The following NANOG variants were observed in gnomAD, a reference collection of about 807,000 sequenced individuals.
NANOG encodes the protein Nanog homeobox.
Under a neutral mutation model 17.7 loss-of-function variants are expected in NANOG, and 2 were observed. That is an observed-to-expected ratio of 0.11 (90% CI 0.05 to 0.36). NANOG has a LOEUF of 0.36. Among genes scored for constraint, NANOG ranks in the 10% least tolerant of loss-of-function variants. NANOG has a pLI of 1.00. For synonymous variants in NANOG, 81 were observed against 124.7 expected, an observed-to-expected ratio of 0.65 and a Z score of 2.33; for missense variants, 174 against 362.1, an observed-to-expected ratio of 0.48 and a Z score of 4.22.
At chr12:7,794,622 C>T in intron 3 of NANOG, 57 bp from the exon 4 acceptor site, 2 of 1,610,510 alleles carry the variant, frequency 1.2e-6, no homozygotes, top group Non-Finnish European at 1.7e-6. Context: ...CAACTCCAGT[C>T]ACAGACAGTT....
In NANOG at chr12:7,795,113, A is replaced by G. The variant is rs199508627; in HGVS notation, c.*18A>G. On this transcript the variant is annotated 3_prime_UTR_variant, in exon 4 of 4. Transcript: ENST00000229307. Reference sequence around the variant, plus strand: ...ACGTGTGAAGATGAGTGAAACTGATATTACTCAATTTCAGTCTGGACACTG... The same window carrying G: ...ACGTGTGAAGATGAGTGAAACTGATGTTACTCAATTTCAGTCTGGACACTG... 4.7e-4 allele frequency: 598 copies of G among 1,281,132 alleles called. No homozygotes were observed. The highest frequency in any genetic ancestry group is 1.0e-4 in the Non-Finnish European group (89 of 892,180). The allele number at this position is 1,281,132 out of a possible 1,614,324, so 79.4% of individuals were successfully genotyped here.
Position 7,794,678 on chromosome 12 carries a change from G to A in NANOG, c.502-1G>A. 1.2e-6 allele frequency: 2 copies of A among 1,610,640 alleles called. No individual in the cohort carries two copies. The highest frequency in any genetic ancestry group is 1.1e-5 in the South Asian group (1 of 90,742). On this transcript the variant is annotated splice_acceptor_variant, in intron 3 of 3. Transcript: ENST00000229307. LOFTEE classifies it high-confidence loss of function. Reference sequence around the variant, plus strand: ...TCTGTTAATCCCTCCTTCTCTTTCAGAAGGCCTCAGCACCTACCTACCCCA... The same window carrying A: ...TCTGTTAATCCCTCCTTCTCTTTCAAAAGGCCTCAGCACCTACCTACCCCA...
At chr12:7,793,544 A>AT (rs1862874050) in intron 2 of NANOG, among the ~76,000 whole-genome samples, 1 of 152,222 alleles carries the variant, frequency 6.6e-6, no homozygotes, top group African/African-American at 2.4e-5. Flanking sequence ...TCTCATTAAA[A>AT]TAAAAACTTT....
rs144872761 is a variant in NANOG, at chr12:7,789,680, T to G, written c.66T>G (p.Ser22=). 1,720 of 1,614,192 alleles carry G rather than the reference T, an allele frequency of 1.1e-3. 7 individuals carry two copies. In the African/African-American group the frequency reaches 0.02, roughly 19 times the overall value. ...TTGAAGCATCCGACTGTAAAGAATCTTCACCTATGCCTGTGATTTGTGGGC... is the reference window on the plus strand; with the variant it reads ...TTGAAGCATCCGACTGTAAAGAATCGTCACCTATGCCTGTGATTTGTGGGC... ...PCFEASDCKE[S]SPMPVICGPE... Residue 22 remains serine (S), a synonymous_variant, in exon 1 of 4, where the codon TCT becomes TCG. Coordinates refer to ENST00000229307, the MANE Select transcript of NANOG (RefSeq NM_024865.4).
Position 7,796,896 on chromosome 12 carries a change from C to CT in NANOG, c.*1802dup, listed in dbSNP as rs1862939918. On this transcript the variant is annotated 3_prime_UTR_variant, in exon 4 of 4. Coordinates refer to ENST00000229307, the MANE Select transcript of NANOG (RefSeq NM_024865.4). ...TCTCCTGCCTCAGCCTCCCAAGTAG[C>CT]TGGGACTACAGGGGTGAGCCACCAT... The CT allele has an allele frequency of 6.6e-6, 1 of 152,214 alleles. No individual in the cohort carries two copies. Among genetic ancestry groups the CT allele is most frequent in the South Asian group, 2.1e-4 (1 of 4,826 alleles). 9.4% of individuals were successfully genotyped at this position (152,214 alleles called of 1,614,324 possible).
At chr12:7,790,063 G>A (rs1257034296) in intron 1 of NANOG, among the ~76,000 whole-genome samples, 4 of 152,176 alleles carry the variant, frequency 2.6e-5, no homozygotes, top group African/African-American at 9.6e-5. Flanking sequence ...AAACAAAAAT[G>A]TATCGTTATA....
At chr12:7,790,893 T>G in intron 1 of NANOG, among the ~76,000 whole-genome samples, 1 of 152,010 alleles carries the variant, frequency 6.6e-6, no homozygotes, top group South Asian at 2.1e-4. Flanking sequence ...GAGGCGTGTG[T>G]CACTATGCCC....
intron 1 of NANOG, among the ~76,000 whole-genome samples, chr12:7,791,156 G>A (rs184128048): frequency 2.0e-5 from 3 of 150,514 alleles, no homozygotes; most frequent in Non-Finnish European, 3.0e-5. Context: ...TTGCCCACGC[G>A]GGAGTGCAGT....
At chr12:7,794,091 TG>T (rs1488159396) in intron 2 of NANOG, among the ~76,000 whole-genome samples, 2 of 152,278 alleles carry the variant, frequency 1.3e-5, no homozygotes, top group East Asian at 3.9e-4. Flanking sequence ...TCTTTTTTTC[TG>T]AGACAGTCTG....
At chr12:7,789,876 A>G (rs12826131) in intron 1 of NANOG, 111 bp downstream of exon 1, 650,641 of 1,163,150 alleles carry the variant, frequency 0.56, 187,621 homozygotes, top group Middle Eastern at 0.63. Flanking sequence ...ATTACTATAA[A>G]GAAGTGTTAT....
At position 7,797,352 on chromosome 12, in the gene NANOG, G is replaced by C. The variant is rs1012644522; in HGVS notation, c.*2257G>C. 9.3e-6 allele frequency: 1 copy of C among 107,874 alleles called. No individual in the cohort carries two copies. Among genetic ancestry groups the C allele is most frequent in the Non-Finnish European group, 1.8e-5 (1 of 55,658 alleles). 6.7% of individuals were successfully genotyped at this position (107,874 alleles called of 1,614,324 possible). Reference sequence around the variant, plus strand: ...ATTATAGGTGTGAGCCACCGTGTCTGGGCAATTTTTTTTTTTTTTTTTGAG... The same window carrying C: ...ATTATAGGTGTGAGCCACCGTGTCTCGGCAATTTTTTTTTTTTTTTTTGAG... On this transcript the variant is annotated 3_prime_UTR_variant, in exon 4 of 4. Transcript: ENST00000229307.
intron 1 of NANOG, among the ~76,000 whole-genome samples, chr12:7,791,959 C>T (rs1341740323): frequency 2.0e-5 from 3 of 152,160 alleles, no homozygotes; most frequent in South Asian, 2.1e-4. Flanking sequence ...TGCAGTGGCA[C>T]TCTCGGCTTA....
At position 7,796,288 on chromosome 12, in the gene NANOG, A is replaced by AAAATAAATAAAT. The variant is rs201963033; in HGVS notation, c.*1200_*1211dup. 14 of 152,072 alleles carry AAAATAAATAAAT rather than the reference A, an allele frequency of 9.2e-5. No homozygotes were observed. The highest frequency in any genetic ancestry group is 3.4e-4 in the African/African-American group (14 of 41,380). 9.4% of individuals were successfully genotyped at this position (152,072 alleles called of 1,614,324 possible). ...CGACAAGAGCAAAACTCCCATCTCA[A>AAAATAAATAAAT]AAATAAATAAATAAATAAGTAAATA... On this transcript the variant is annotated 3_prime_UTR_variant, in exon 4 of 4. Coordinates refer to ENST00000229307, the MANE Select transcript of NANOG (RefSeq NM_024865.4).
rs1862943860 is a variant in NANOG at position 7,797,247 on chromosome 12, G to C, written c.*2152G>C. On this transcript the variant is annotated 3_prime_UTR_variant, in exon 4 of 4. Coordinates refer to ENST00000229307, the MANE Select transcript of NANOG (RefSeq NM_024865.4). ...TTTTTGGTATTTTTAGTAGAGATGG[G>C]GTTTCACCATGTTGGCCAGCCTGGT... 6.6e-6 allele frequency: 1 copy of C among 151,526 alleles called. No individual in the cohort carries two copies. The highest frequency in any genetic ancestry group is 1.5e-5 in the Non-Finnish European group (1 of 67,994). The allele number at this position is 151,526 out of a possible 1,614,324, so 9.4% of individuals were successfully genotyped here. A position where few individuals can be genotyped will look rare whatever the true frequency, so the allele number is the denominator to read the frequency against.
chr12:7,789,479 C>T lies in NANOG; in HGVS notation c.-136C>T. On this transcript the variant is annotated 5_prime_UTR_variant, in exon 1 of 4. Coordinates refer to ENST00000229307, the MANE Select transcript of NANOG (RefSeq NM_024865.4). ...CTCATGTTATTATGCAGGCAACTCA[C>T]TTTATCCCAATTTCTTGATACTTTT... is the stretch of plus-strand genomic sequence containing the variant. The T allele has an allele frequency of 1.4e-6, 1 of 722,660 alleles. No homozygotes were observed. 44.8% of individuals were successfully genotyped at this position (722,660 alleles called of 1,614,324 possible). A position where few individuals can be genotyped will look rare whatever the true frequency, so the allele number is the denominator to read the frequency against.
intron 1 of NANOG, among the ~76,000 whole-genome samples, chr12:7,790,851 C>T (rs991257489): frequency 6.6e-6 from 1 of 152,054 alleles, no homozygotes; most frequent in Admixed American, 6.6e-5. Flanking sequence ...TCAAGTGATC[C>T]TCTTGCCTCA....
At chr12:7,793,613 G>A (rs976470525) in intron 2 of NANOG, among the ~76,000 whole-genome samples, 9 of 151,816 alleles carry the variant, frequency 5.9e-5, no homozygotes, top group Admixed American at 6.6e-5. Flanking sequence ...TTATCTGTGT[G>A]CATTCAATAA....
In NANOG at chr12:7,798,193, A is replaced by G. The variant is rs894233681; in HGVS notation, c.*3098A>G. On this transcript the variant is annotated 3_prime_UTR_variant, in exon 4 of 4. Coordinates refer to ENST00000229307, the MANE Select transcript of NANOG (RefSeq NM_024865.4). ...GGAGTTCAAGTTTAGCATGGCCAAT[A>G]TGGCGAAACCCTGTCTCTACTAAAA... The G allele has an allele frequency of 3.9e-5, 6 of 152,158 alleles. No homozygotes were observed. The highest frequency in any genetic ancestry group is 1.4e-4 in the African/African-American group (6 of 41,432). 9.4% of individuals were successfully genotyped at this position (152,158 alleles called of 1,614,324 possible). A position where few individuals can be genotyped will look rare whatever the true frequency, so the allele number is the denominator to read the frequency against.
At chr12:7,792,837 T>C in intron 1 of NANOG, 113 bp from the exon 2 acceptor site, 1 of 1,121,422 alleles carries the variant, frequency 8.9e-7, no homozygotes, top group Non-Finnish European at 1.3e-6. Context: ...TTCTTATTAC[T>C]TAGATCTGGG....
Sources: gnomAD v4.1 joint callset for allele counts (sites outside exome capture counted in the v4.1 genomes callset) on GRCh38, gnomAD v4.1.1 for gene constraint, MANE v1.5 for transcripts, NCBI Gene and HGNC (gene_info 2026-07-23, HGNC 2026-07-21) for gene names.